SCHIP1: variants seen among roughly 807,000 people sequenced by gnomAD.
The protein encoded by SCHIP1 is schwannomin interacting protein 1, also known as schwannomin-interacting protein 1.
In SCHIP1, 8 loss-of-function variants were observed where a neutral mutation model predicts 29.7. The observed-to-expected ratio is 0.27, with a 90% confidence interval of 0.16 to 0.49. The LOEUF (loss-of-function observed/expected upper bound fraction) is 0.49, where lower values mean the gene tolerates loss of function less well. Ranked by LOEUF, SCHIP1 falls within the 20% of genes least tolerant of loss-of-function variation. The pLI is 0.99. For missense variants in SCHIP1, 193 were observed against 294.6 expected (o/e 0.66, Z 2.52); for synonymous variants, 76 against 94.9 (o/e 0.80, Z 1.16).
At chr3:159,503,911 C>G in the SCHIP1 span, among the ~76,000 whole-genome samples, 1 of 152,084 alleles carries the variant, frequency 6.6e-6, no homozygotes, top group Non-Finnish European at 1.5e-5. Context: ...AACTCAGAGT[C>G]TAGATAGAGA....
At chr3:159,441,004 T>A in the SCHIP1 span, among the ~76,000 whole-genome samples, 2 of 152,304 alleles carry the variant, frequency 1.3e-5, no homozygotes, top group Admixed American at 1.3e-4. Flanking sequence ...TATATAATCA[T>A]CGCAGTGATA....
chr3:159,756,094 C>T, the SCHIP1 span, among the ~76,000 whole-genome samples: 1 of 152,194 alleles, frequency 6.6e-6, no homozygotes, highest in Non-Finnish European at 1.5e-5. Context: ...GATGGTGGTC[C>T]TCTTCTCACA....
At chr3:159,653,534 C>A in the SCHIP1 span, among the ~76,000 whole-genome samples, 7 of 122,716 alleles carry the variant, frequency 5.7e-5, no homozygotes, top group Non-Finnish European at 1.1e-4. Flanking sequence ...GGGAGTTGAA[C>A]AATGAGAACA....
the SCHIP1 span, among the ~76,000 whole-genome samples, chr3:159,791,217 T>C: frequency 6.6e-6 from 1 of 152,142 alleles, no homozygotes; most frequent in Non-Finnish European, 1.5e-5. Context: ...TTCATTGTCA[T>C]ATCAGCCCAG....
chr3:159,817,434 G>GA, the SCHIP1 span, among the ~76,000 whole-genome samples: 1 of 152,170 alleles, frequency 6.6e-6, no homozygotes, highest in African/African-American at 2.4e-5. Context: ...GGTTTCCAAT[G>GA]AAAGAGAACC....
the SCHIP1 span, among the ~76,000 whole-genome samples, chr3:159,450,188 A>T: frequency 6.6e-6 from 1 of 152,226 alleles, no homozygotes; most frequent in Non-Finnish European, 1.5e-5. Flanking sequence ...ATATTCAATA[A>T]TGTTCTACAT....
At chr3:159,889,571 C>G (rs1371908412) in intron 5 of SCHIP1, among the ~76,000 whole-genome samples, 1 of 152,146 alleles carries the variant, frequency 6.6e-6, no homozygotes, top group Non-Finnish European at 1.5e-5. Context: ...TGTGGTTAAG[C>G]CGATAAATTC....
the SCHIP1 span, among the ~76,000 whole-genome samples, chr3:159,419,419 T>C: frequency 6.6e-6 from 1 of 152,176 alleles, no homozygotes; most frequent in African/African-American, 2.4e-5. Context: ...TCATTTTACC[T>C]CACTCTTCCC....
the SCHIP1 span, among the ~76,000 whole-genome samples, chr3:159,431,143 A>C: frequency 6.6e-6 from 1 of 152,144 alleles, no homozygotes; most frequent in Non-Finnish European, 1.5e-5. Context: ...AACACAAAAC[A>C]ACACAAAACA....
chr3:159,786,085 A>G, the SCHIP1 span, among the ~76,000 whole-genome samples: 1 of 152,202 alleles, frequency 6.6e-6, no homozygotes, highest in South Asian at 2.1e-4. Flanking sequence ...CTTTCTGTTA[A>G]TAAGGTTCAT....
chr3:159,672,412 G>C, the SCHIP1 span, among the ~76,000 whole-genome samples: 2 of 152,328 alleles, frequency 1.3e-5, no homozygotes, highest in South Asian at 2.1e-4. Flanking sequence ...CATGGGTGCT[G>C]CTATTTACAC....
At chr3:159,273,333 C>T in the SCHIP1 span, 4 of 986,374 alleles carry the variant, frequency 4.1e-6, no homozygotes, top group Non-Finnish European at 4.8e-6. Flanking sequence ...TGAGGCAGAC[C>T]TGTTTACATG....
chr3:159,764,248 G>T, the SCHIP1 span: 1 of 559,782 alleles, frequency 1.8e-6, no homozygotes, highest in Non-Finnish European at 3.0e-6. This position sits in a 1 kb window ranked among gnomAD's most constrained non-coding sequence, Gnocchi z 6.1. Flanking sequence ...AGGAAGTCTG[G>T]TTGTGCGAGA....
chr3:159,749,804 G>C, the SCHIP1 span, among the ~76,000 whole-genome samples: 1 of 152,248 alleles, frequency 6.6e-6, no homozygotes, highest in East Asian at 1.9e-4. Flanking sequence ...GTATTCTTTG[G>C]AGTCAGCAAA....
At chr3:159,322,073 C>T in the SCHIP1 span, among the ~76,000 whole-genome samples, 1 of 151,680 alleles carries the variant, frequency 6.6e-6, no homozygotes, top group Non-Finnish European at 1.5e-5. Context: ...TTTGTCCAAG[C>T]AGAAGATACT....
the SCHIP1 span, among the ~76,000 whole-genome samples, chr3:159,467,896 G>A: frequency 6.6e-6 from 1 of 152,050 alleles, no homozygotes; most frequent in Non-Finnish European, 1.5e-5. Context: ...TCCCTTCTAT[G>A]CAATTCTCCT....
At chr3:159,884,587 G>T (rs1349924688) in intron 2 of SCHIP1, among the ~76,000 whole-genome samples, 1 of 152,088 alleles carries the variant, frequency 6.6e-6, no homozygotes, top group Non-Finnish European at 1.5e-5. Flanking sequence ...TGTTCCTTTT[G>T]TTTAGACTTT....
At chr3:159,689,886 A>G in the SCHIP1 span, among the ~76,000 whole-genome samples, 191 of 152,218 alleles carry the variant, frequency 1.3e-3, no homozygotes, top group African/African-American at 4.5e-3. Context: ...GTCTGTTTAT[A>G]TGATGGATTA....
At chr3:159,335,466 A>G in the SCHIP1 span, among the ~76,000 whole-genome samples, 1 of 152,002 alleles carries the variant, frequency 6.6e-6, no homozygotes, top group Admixed American at 6.6e-5. Flanking sequence ...AACATTAGGT[A>G]TACCTCCTAA....
Sources: allele counts gnomAD v4.1 joint callset (sites outside exome capture counted in the v4.1 genomes callset), GRCh38; gene constraint gnomAD v4.1.1; non-coding constraint Gnocchi (gnomAD v3.1); transcripts MANE v1.5; gene names NCBI Gene and HGNC (gene_info 2026-07-23, HGNC 2026-07-21).